Variants in RPS6KC1 observed in about 807,000 individuals in gnomAD.
RPS6KC1 encodes the protein ribosomal protein S6 kinase C1, also known as inactive ribosomal protein S6 kinase delta-1.
Under a neutral mutation model 103.8 loss-of-function variants are expected in RPS6KC1, and 54 were observed. The observed-to-expected ratio is 0.52, with a 90% CI of 0.42 to 0.65. The LOEUF (loss-of-function observed/expected upper bound fraction) is 0.65. Ranked by LOEUF, RPS6KC1 falls within the 30% of genes least tolerant of loss-of-function variation. The pLI, the probability that RPS6KC1 is intolerant of heterozygous loss-of-function variation, is 0.00. For missense variants in RPS6KC1, 1,151 were observed against 1,253.8 expected (o/e 0.92, Z 1.24); for synonymous variants, 439 against 438.7 (o/e 1.00, Z -0.01).
the RPS6KC1 span, among the ~76,000 whole-genome samples, chr1:213,522,099 A>G: frequency 6.6e-6 from 1 of 152,262 alleles, no homozygotes; most frequent in Admixed American, 6.5e-5. Flanking sequence ...TCAAATAATA[A>G]GACTTGAAAG....
the RPS6KC1 span, among the ~76,000 whole-genome samples, chr1:213,578,585 A>T: frequency 1.3e-5 from 2 of 152,228 alleles, no homozygotes; most frequent in East Asian, 3.8e-4. Context: ...TGTAACCTGG[A>T]TGTGAGACAT....
chr1:213,545,847 G>A, the RPS6KC1 span, among the ~76,000 whole-genome samples: 1 of 152,132 alleles, frequency 6.6e-6, no homozygotes, highest in African/African-American at 2.4e-5. Context: ...TGCACATGCA[G>A]TCTCATTCCT....
At chr1:213,710,481 G>A in the RPS6KC1 span, among the ~76,000 whole-genome samples, 1 of 152,076 alleles carries the variant, frequency 6.6e-6, no homozygotes. Flanking sequence ...TTTGCCACCT[G>A]TGTCTTTTAA....
the RPS6KC1 span, among the ~76,000 whole-genome samples, chr1:213,517,296 C>A: frequency 6.6e-6 from 1 of 152,044 alleles, no homozygotes; most frequent in African/African-American, 2.4e-5. Flanking sequence ...GCTCTTGCTT[C>A]TCTAGTTCTT....
intron 6 of RPS6KC1, among the ~76,000 whole-genome samples, chr1:213,161,878 A>G (rs1434404769): frequency 2.6e-5 from 4 of 152,212 alleles, no homozygotes; most frequent in African/African-American, 9.7e-5. Context: ...GCATCAAGAA[A>G]ACAATTATTG....
the RPS6KC1 span, among the ~76,000 whole-genome samples, chr1:213,368,985 A>G: frequency 6.6e-6 from 1 of 152,140 alleles, no homozygotes. Flanking sequence ...TAGGTGTGTT[A>G]TCTTCCACAG....
At chr1:213,166,147 T>G (rs896427169) in intron 6 of RPS6KC1, among the ~76,000 whole-genome samples, 1 of 151,982 alleles carries the variant, frequency 6.6e-6, no homozygotes, top group African/African-American at 2.4e-5. Flanking sequence ...ACGAAGCAAA[T>G]TTTGAAACTT....
At chr1:213,747,803 G>C in the RPS6KC1 span, among the ~76,000 whole-genome samples, 1 of 152,174 alleles carries the variant, frequency 6.6e-6, no homozygotes, top group African/African-American at 2.4e-5. Flanking sequence ...CTCTGCTGGT[G>C]TCATGGAAGT....
At chr1:213,359,241 T>C in the RPS6KC1 span, among the ~76,000 whole-genome samples, 1 of 152,260 alleles carries the variant, frequency 6.6e-6, no homozygotes, top group Admixed American at 6.5e-5. Flanking sequence ...TGGGTGCTCC[T>C]GTACTGGGTG....
chr1:213,134,097 A>G (rs1371616013), intron 6 of RPS6KC1, among the ~76,000 whole-genome samples: 1 of 152,142 alleles, frequency 6.6e-6, no homozygotes, highest in Non-Finnish European at 1.5e-5. Context: ...TTCTAAAAAT[A>G]TAGAATCAAA....
chr1:213,113,350 A>G (rs1019944317), intron 4 of RPS6KC1, among the ~76,000 whole-genome samples: 9 of 152,136 alleles, frequency 5.9e-5, no homozygotes, highest in Non-Finnish European at 8.8e-5. Context: ...TTTTGGCTGC[A>G]TAAATGTCTT....
chr1:213,651,244 C>A, the RPS6KC1 span, among the ~76,000 whole-genome samples: 7 of 152,320 alleles, frequency 4.6e-5, no homozygotes, highest in East Asian at 1.4e-3. Context: ...CCAATAAAAA[C>A]GCCAGACAGG....
the RPS6KC1 span, among the ~76,000 whole-genome samples, chr1:213,607,588 T>C: frequency 6.6e-6 from 1 of 151,918 alleles, no homozygotes; most frequent in African/African-American, 2.4e-5. Flanking sequence ...CTGTGTATTA[T>C]ATGGGAGAAA....
the RPS6KC1 span, among the ~76,000 whole-genome samples, chr1:213,712,163 C>G: frequency 1.4e-4 from 21 of 152,370 alleles, no homozygotes; most frequent in Admixed American, 2.0e-4. Context: ...GGAGTTTTAT[C>G]TATAAGCCTC....
At chr1:213,314,656 CTTT>C in the RPS6KC1 span, among the ~76,000 whole-genome samples, 1 of 132,216 alleles carries the variant, frequency 7.6e-6, no homozygotes, top group African/African-American at 2.8e-5. Context: ...ACCACGGTGG[CTTT>C]TTTTTTTTTT....
chr1:213,322,162 C>G, the RPS6KC1 span, among the ~76,000 whole-genome samples: 1 of 152,096 alleles, frequency 6.6e-6, no homozygotes, highest in African/African-American at 2.4e-5. Context: ...AAAAATTAGC[C>G]AGGTGTGGTG....
At chr1:213,846,102 C>G in the RPS6KC1 span, among the ~76,000 whole-genome samples, 1 of 148,544 alleles carries the variant, frequency 6.7e-6, no homozygotes, top group Non-Finnish European at 1.5e-5. Context: ...ACCAGCCTGG[C>G]CAACATGGTG....
chr1:213,466,369 T>A, the RPS6KC1 span, among the ~76,000 whole-genome samples: 8 of 152,186 alleles, frequency 5.3e-5, no homozygotes, highest in Non-Finnish European at 7.3e-5. Context: ...CACAGTCTGA[T>A]GGCAAGATTG....
the RPS6KC1 span, among the ~76,000 whole-genome samples, chr1:213,357,426 T>C: frequency 3.9e-5 from 6 of 152,214 alleles, no homozygotes; most frequent in Admixed American, 3.3e-4. Context: ...TTGGAATGAC[T>C]GGCAAATTGG....
Sources: allele counts gnomAD v4.1 joint callset (sites outside exome capture counted in the v4.1 genomes callset), GRCh38; gene constraint gnomAD v4.1.1; transcripts MANE v1.5; gene names NCBI Gene and HGNC (gene_info 2026-07-23, HGNC 2026-07-21).